The following ATP8A2 variants were observed in gnomAD, a reference collection of about 807,000 sequenced individuals.
The protein encoded by ATP8A2 is phospholipid-transporting ATPase IB.
ATP8A2 carries 100 observed loss-of-function variants against 165.6 expected under a neutral mutation model. The observed-to-expected ratio is 0.60, with a 90% confidence interval of 0.51 to 0.71. The LOEUF is 0.71. Among genes scored for constraint, ATP8A2 ranks in the 30% least tolerant of loss-of-function variants. ATP8A2 has a pLI of 0.00. For missense variants in ATP8A2, 1,227 were observed against 1,479.5 expected (o/e 0.83, Z 2.80); for synonymous variants, 543 against 548.8 (o/e 0.99, Z 0.15).
chr13:25,587,341 AC>A (rs1193595576), intron 23 of ATP8A2, among the ~76,000 whole-genome samples: 1 of 151,782 alleles, frequency 6.6e-6, no homozygotes, highest in Non-Finnish European at 1.5e-5. Context: ...CAACAACAAA[AC>A]CCTTAACCTG....
intron 35 of ATP8A2, among the ~76,000 whole-genome samples, chr13:25,996,652 A>G (rs139730803): frequency 0.034 from 5,084 of 151,668 alleles, 116 homozygotes; most frequent in Non-Finnish European, 0.052. Context: ...CAGCCTCCTA[A>G]GTAGCTGGTA....
At chr13:25,628,523 C>A (rs1403252570) in intron 24 of ATP8A2, among the ~76,000 whole-genome samples, 5 of 152,162 alleles carry the variant, frequency 3.3e-5, no homozygotes, top group Non-Finnish European at 7.3e-5. Context: ...GACAACACTG[C>A]CTGTATTAGT....
chr13:25,708,934 C>G (rs966587138), intron 25 of ATP8A2, among the ~76,000 whole-genome samples: 1 of 152,202 alleles, frequency 6.6e-6, no homozygotes, highest in African/African-American at 2.4e-5. Flanking sequence ...GTGATGTCTG[C>G]GCCTTATGAC....
intron 1 of ATP8A2, among the ~76,000 whole-genome samples, chr13:25,413,648 G>A (rs146745898): frequency 0.012 from 1,820 of 152,148 alleles, 10 homozygotes; most frequent in Middle Eastern, 0.02. Flanking sequence ...TTATCCTTAA[G>A]TGTAGTGTGG....
At chr13:25,935,615 A>G (rs1954863031) in intron 33 of ATP8A2, among the ~76,000 whole-genome samples, 1 of 152,198 alleles carries the variant, frequency 6.6e-6, no homozygotes, top group Non-Finnish European at 1.5e-5. Flanking sequence ...GGGAGCTGGT[A>G]TATCACATGC....
rs1173682746 is a variant in ATP8A2 at position 25,839,558 on chromosome 13, C to G, written c.2890C>G (p.His964Asp). 2 of 1,613,854 alleles carry G rather than the reference C, an allele frequency of 1.2e-6. No homozygotes were observed. Among genetic ancestry groups the G allele is most frequent in the Admixed American group, 1.7e-5 (1 of 59,996 alleles). The change falls in exon 30 of 37, where the codon CAC becomes GAC. Residue 964 changes from histidine (H) to aspartate (D), a missense_variant. This residue lies in a region of ATP8A2 where 260 missense variants were observed against 245.1 expected (regional missense o/e 1.06). Coordinates refer to ENST00000381655, the MANE Select transcript of ATP8A2 (RefSeq NM_016529.6). ...EGFNTKVFWG[H>D]CINALVHSLI... ...TGTTTTTCCTTAGGTTTTCTGGGGTCACTGCATCAACGCCTTGGTCCACTC... is the reference window on the plus strand; with the variant it reads ...TGTTTTTCCTTAGGTTTTCTGGGGTGACTGCATCAACGCCTTGGTCCACTC...
chr13:25,797,363 G>A (rs1329223492), intron 27 of ATP8A2, among the ~76,000 whole-genome samples: 2 of 152,058 alleles, frequency 1.3e-5, no homozygotes, highest in Non-Finnish European at 2.9e-5. Context: ...TATTTACCCT[G>A]AGGTAAAATA....
chr13:25,923,513 G>T (rs1057143305), intron 33 of ATP8A2, among the ~76,000 whole-genome samples: 3 of 152,072 alleles, frequency 2.0e-5, no homozygotes. Flanking sequence ...TGTCCAGCAG[G>T]CCAACATTTC....
chr13:25,927,520 T>C (rs1593574354), intron 33 of ATP8A2, among the ~76,000 whole-genome samples: 1 of 152,168 alleles, frequency 6.6e-6, no homozygotes, highest in African/African-American at 2.4e-5. Context: ...ATAGGATGTA[T>C]GTTGTAGTTA....
chr13:25,839,394 GTTT>G, intron 29 of ATP8A2, 149 bp from the exon 30 acceptor site: 1 of 502,428 alleles, frequency 2.0e-6, no homozygotes, highest in Non-Finnish European at 3.6e-6. Flanking sequence ...ATTTGGGTGG[GTTT>G]TTTTTTTTTC....
At chr13:25,832,059 C>T (rs1005618966) in intron 28 of ATP8A2, among the ~76,000 whole-genome samples, 6 of 151,934 alleles carry the variant, frequency 3.9e-5, no homozygotes, top group African/African-American at 1.4e-4. Context: ...CCTGCCTCAG[C>T]CTCCCGAGTA....
chr13:25,621,014 G>A (rs2040954566), intron 24 of ATP8A2, among the ~76,000 whole-genome samples: 3 of 152,264 alleles, frequency 2.0e-5, no homozygotes, highest in Middle Eastern at 6.8e-3. Flanking sequence ...GGGCCTAGGA[G>A]TGGGAGTGGA....
At chr13:25,897,106 T>C (rs1953577945) in intron 33 of ATP8A2, among the ~76,000 whole-genome samples, 1 of 152,218 alleles carries the variant, frequency 6.6e-6, no homozygotes, top group South Asian at 2.1e-4. Flanking sequence ...TGCTCGTTAG[T>C]TGATGCAGTT....
chr13:25,867,844 A>G (rs1428580698), intron 33 of ATP8A2: 1 of 183,446 alleles, frequency 5.5e-6, no homozygotes, highest in Non-Finnish European at 1.2e-5. Flanking sequence ...GAGGAAAACC[A>G]CCCTCAGAAT....
At chr13:25,687,763 A>G (rs1463089559) in intron 24 of ATP8A2, among the ~76,000 whole-genome samples, 1 of 152,096 alleles carries the variant, frequency 6.6e-6, no homozygotes. Context: ...TAGTAAATAC[A>G]CTTCCTGGTT....
At chr13:25,772,043 G>T (rs1014953602) in intron 26 of ATP8A2, among the ~76,000 whole-genome samples, 1 of 152,154 alleles carries the variant, frequency 6.6e-6, no homozygotes. Context: ...TACGAAGTGG[G>T]CAAAGCTCTG....
intron 33 of ATP8A2, among the ~76,000 whole-genome samples, chr13:25,903,266 A>G (rs1317627536): frequency 6.6e-6 from 1 of 152,102 alleles, no homozygotes; most frequent in Admixed American, 6.6e-5. Flanking sequence ...CAGCCCCCAG[A>G]TATGGCTGCT....
intron 14 of ATP8A2, 54 bp downstream of exon 14, chr13:25,559,115 AGTTT>A: frequency 7.8e-7 from 1 of 1,285,890 alleles, no homozygotes; most frequent in Non-Finnish European, 1.1e-6. Context: ...CAAGAAAATA[AGTTT>A]ATTTTTAGCT....
chr13:25,842,874 A>G (rs1319170018), intron 30 of ATP8A2, among the ~76,000 whole-genome samples: 2 of 152,168 alleles, frequency 1.3e-5, no homozygotes, highest in African/African-American at 2.4e-5. Flanking sequence ...GATCAGGGCA[A>G]TTTGGGAAAA....
Sources: gnomAD v4.1 joint callset for allele counts (sites outside exome capture counted in the v4.1 genomes callset) on GRCh38, gnomAD v4.1.1 for gene constraint, gnomAD v4.1.1 regional missense constraint, MANE v1.5 for transcripts, NCBI Gene and HGNC (gene_info 2026-07-23, HGNC 2026-07-21) for gene names.